GRHL2: variants seen among roughly 807,000 people sequenced by gnomAD.
The protein encoded by GRHL2 is grainyhead like transcription factor 2.
A neutral mutation model predicts 83.8 loss-of-function variants in GRHL2; 21 were observed. The observed-to-expected ratio is 0.25, with a 90% confidence interval of 0.18 to 0.36. The LOEUF (loss-of-function observed/expected upper bound fraction) is 0.36. Ranked by LOEUF, GRHL2 falls within the 10% of genes least tolerant of loss-of-function variation. The pLI is 1.00. For synonymous variants in GRHL2, 280 were observed against 278.9 expected (o/e 1.00, Z -0.04); for missense variants, 623 against 781.8 (o/e 0.80, Z 2.42).
At chr8:101,586,089 T>TTTTTTTTTTTTTTG (rs1289272635) in intron 7 of GRHL2, among the ~76,000 whole-genome samples, 3 of 136,732 alleles carry the variant, frequency 2.2e-5, no homozygotes, top group Non-Finnish European at 4.8e-5. Flanking sequence ...TTTTTTTTTT[T>TTTTTTTTTTTTTTG]TGAGACGGAG....
At chr8:101,513,983 G>A (rs1810518465) in intron 1 of GRHL2, among the ~76,000 whole-genome samples, 1 of 152,094 alleles carries the variant, frequency 6.6e-6, no homozygotes, top group South Asian at 2.1e-4. Flanking sequence ...TATCTGCCGA[G>A]GCTTTCACAC....
chr8:101,660,058 TCTCA>T (rs1220609799), intron 14 of GRHL2, among the ~76,000 whole-genome samples: 3 of 152,210 alleles, frequency 2.0e-5, no homozygotes, highest in East Asian at 1.9e-4. Flanking sequence ...TATTGAAATC[TCTCA>T]CTATAATTGC....
At chr8:101,509,157 C>CCATCCTTTCTTT (rs1810406594) in intron 1 of GRHL2, among the ~76,000 whole-genome samples, 1 of 27,406 alleles carries the variant, frequency 3.6e-5, no homozygotes, top group Non-Finnish European at 1.1e-4. Context: ...TTCCTTCCTT[C>CCATCCTTTCTTT]CTTTCTTTCT....
At chr8:101,540,650 A>G (rs1157193936) in intron 1 of GRHL2, among the ~76,000 whole-genome samples, 4 of 152,122 alleles carry the variant, frequency 2.6e-5, no homozygotes, top group African/African-American at 7.2e-5. Context: ...AAAAGCATGC[A>G]TCATGACAGC....
intron 11 of GRHL2, among the ~76,000 whole-genome samples, chr8:101,634,178 T>C (rs958279269): frequency 1.3e-5 from 2 of 152,164 alleles, no homozygotes; most frequent in Non-Finnish European, 2.9e-5. Flanking sequence ...TCTGGAGGCC[T>C]TCCTCAGAGC....
At chr8:101,638,129 G>A (rs1424967985) in intron 12 of GRHL2, among the ~76,000 whole-genome samples, 2 of 152,164 alleles carry the variant, frequency 1.3e-5, no homozygotes, top group Non-Finnish European at 2.9e-5. Context: ...CGTTACCTGT[G>A]TGTCACTAAA....
chr8:101,541,474 C>A (rs555101537), intron 1 of GRHL2, among the ~76,000 whole-genome samples: 1 of 151,874 alleles, frequency 6.6e-6, no homozygotes, highest in East Asian at 1.9e-4. Context: ...ACATCTGCAC[C>A]AACATATGTT....
At chr8:101,547,475 G>A (rs888033964) in intron 2 of GRHL2, among the ~76,000 whole-genome samples, 1 of 152,218 alleles carries the variant, frequency 6.6e-6, no homozygotes, top group Non-Finnish European at 1.5e-5. Flanking sequence ...AGGCACTCCA[G>A]AAATGGTGGT....
intron 6 of GRHL2, 136 bp downstream of exon 6, chr8:101,573,960 G>T (rs1811880626): frequency 2.0e-6 from 2 of 1,006,354 alleles, no homozygotes; most frequent in South Asian, 1.4e-5. Flanking sequence ...TCAGAGAGTT[G>T]GGGCAAGAGC....
intron 7 of GRHL2, among the ~76,000 whole-genome samples, chr8:101,581,963 C>T (rs990446956): frequency 1.3e-5 from 2 of 152,198 alleles, no homozygotes; most frequent in East Asian, 1.9e-4. Context: ...TGAAGCTGGG[C>T]GCAGTGGCTC....
At chr8:101,653,877 G>C (rs1287612587) in intron 14 of GRHL2, among the ~76,000 whole-genome samples, 1 of 152,198 alleles carries the variant, frequency 6.6e-6, no homozygotes, top group Non-Finnish European at 1.5e-5. Context: ...ATTAATGTGA[G>C]AGCCACTAGC....
At chr8:101,611,521 G>T (rs1812749544) in intron 8 of GRHL2, among the ~76,000 whole-genome samples, 1 of 150,726 alleles carries the variant, frequency 6.6e-6, no homozygotes, top group Admixed American at 6.6e-5. Context: ...CTTAGCTGAG[G>T]TGCTTCTTCT....
In GRHL2 at chr8:101,531,487, C is replaced by A. The variant is rs145097526; in HGVS notation, c.21-11754C>A. Among the ~76,000 whole-genome samples, 217 of 152,082 alleles carry A rather than the reference C, an allele frequency of 1.4e-3. 1 individual carries two copies. The highest frequency in any genetic ancestry group is 5.0e-3 in the African/African-American group (206 of 41,474). On this transcript the variant is annotated intron_variant, in intron 1 of 15. Coordinates refer to ENST00000646743, the MANE Select transcript of GRHL2 (RefSeq NM_024915.4). ...GATGGTATTGTTGAAGATTACTTGA[C>A]AAGTCAAAAAGTAGAAAGGAGAAAA... is the stretch of plus-strand genomic sequence containing the variant.
chr8:101,653,446 G>A (rs1457925348), intron 14 of GRHL2, among the ~76,000 whole-genome samples: 1 of 152,120 alleles, frequency 6.6e-6, no homozygotes, highest in Non-Finnish European at 1.5e-5. Flanking sequence ...ACTCATTACT[G>A]TGGACCTAGG....
intron 1 of GRHL2, among the ~76,000 whole-genome samples, chr8:101,517,159 A>C (rs1470111497): frequency 6.6e-6 from 1 of 152,172 alleles, no homozygotes; most frequent in Non-Finnish European, 1.5e-5. Flanking sequence ...GGCTAAAAGT[A>C]AAGGGAAGCT....
chr8:101,658,515 C>CT (rs1169046094), intron 14 of GRHL2, among the ~76,000 whole-genome samples: 4 of 152,182 alleles, frequency 2.6e-5, no homozygotes, highest in African/African-American at 9.7e-5. Context: ...TGCCTGTGTG[C>CT]TGGGGACCCA....
At chr8:101,674,897 G>A in the GRHL2 span, among the ~76,000 whole-genome samples, 1 of 152,074 alleles carries the variant, frequency 6.6e-6, no homozygotes, top group Non-Finnish European at 1.5e-5. Flanking sequence ...TGCAAGGCTG[G>A]TTCAACACAT....
intron 9 of GRHL2, among the ~76,000 whole-genome samples, chr8:101,625,071 A>G (rs1813054783): frequency 1.3e-5 from 2 of 152,154 alleles, no homozygotes; most frequent in South Asian, 4.1e-4. Context: ...TGTATAACAG[A>G]TAATTTTTTA....
chr8:101,666,758 G>C lies in GRHL2; in HGVS notation c.*55G>C, dbSNP rs1240131169. 3.8e-6 allele frequency: 4 copies of C among 1,039,470 alleles called. No individual in the cohort carries two copies. The highest frequency in any genetic ancestry group is 4.6e-6 in the Non-Finnish European group (3 of 659,060). 64.4% of individuals were successfully genotyped at this position (1,039,470 alleles called of 1,614,324 possible). A position where few individuals can be genotyped will look rare whatever the true frequency, so the allele number is the denominator to read the frequency against. ...GCTCTCAGTGCGTTCCTCCCTGAGA[G>C]AGACAGAAGCCCCAGCCCCAGAACC... On this transcript the variant is annotated 3_prime_UTR_variant, in exon 16 of 16. Coordinates refer to ENST00000646743, the MANE Select transcript of GRHL2 (RefSeq NM_024915.4).
Sources: gnomAD v4.1 joint callset for allele counts (sites outside exome capture counted in the v4.1 genomes callset) on GRCh38, gnomAD v4.1.1 for gene constraint, MANE v1.5 for transcripts, NCBI Gene and HGNC (gene_info 2026-07-23, HGNC 2026-07-21) for gene names.